Variants in PTPRG observed in about 807,000 individuals in gnomAD.
PTPRG encodes protein tyrosine phosphatase receptor type G.
In PTPRG, 102 loss-of-function variants were observed where a neutral mutation model predicts 165.3. That is an observed-to-expected ratio of 0.62 (90% CI 0.53 to 0.73). PTPRG has a LOEUF of 0.73. Among genes scored for constraint, PTPRG ranks in the 30% least tolerant of loss-of-function variants. PTPRG has a pLI of 0.00. For synonymous variants in PTPRG, 675 were observed against 669.5 expected, an observed-to-expected ratio of 1.01 and a Z score of -0.13; for missense variants, 1,866 against 1,861.4, an observed-to-expected ratio of 1.00 and a Z score of -0.05.
intron 2 of PTPRG, chr3:61,751,057 G>C (rs753760157): frequency 1.3e-5 from 2 of 151,964 alleles, no homozygotes; most frequent in Non-Finnish European, 2.9e-5. Context: ...GAATGGGACA[G>C]ATATCAACTG....
At chr3:61,801,644 G>A (rs946592882) in intron 2 of PTPRG, among the ~76,000 whole-genome samples, 84 of 152,218 alleles carry the variant, frequency 5.5e-4, no homozygotes, top group Admixed American at 4.9e-3. Context: ...GTTGGGTTCC[G>A]CTTCTCAAGA....
intron 2 of PTPRG, among the ~76,000 whole-genome samples, chr3:61,806,808 G>T (rs901107121): frequency 6.6e-6 from 1 of 152,108 alleles, no homozygotes; most frequent in African/African-American, 2.4e-5. Flanking sequence ...TGATTTTGCT[G>T]TTGATGTAAT....
intron 14 of PTPRG, among the ~76,000 whole-genome samples, chr3:62,242,175 C>T (rs1701173377): frequency 6.6e-6 from 1 of 152,172 alleles, no homozygotes; most frequent in South Asian, 2.1e-4. Context: ...AGCACCAGAG[C>T]CCTATAATAT....
At chr3:61,587,666 AT>A (rs540360383) in intron 1 of PTPRG, among the ~76,000 whole-genome samples, 1 of 151,770 alleles carries the variant, frequency 6.6e-6, no homozygotes, top group Non-Finnish European at 1.5e-5. Flanking sequence ...TTATTTTATT[AT>A]TTTTTTTAAG....
Position 61,595,181 on chromosome 3 carries a change from G to GT in PTPRG, c.85+32812dup, listed in dbSNP as rs1357469100. Reference sequence around the variant, plus strand: ...CCCTGGACGAAACCGAACAAGATGTGTTTGTTTTTTTTTTTTTCCTTTGTA... The same window carrying GT: ...CCCTGGACGAAACCGAACAAGATGTGTTTTGTTTTTTTTTTTTTCCTTTGTA... On this transcript the variant is annotated intron_variant, in intron 1 of 29. Transcript: ENST00000474889. Among the ~76,000 whole-genome samples, 59 of 146,506 alleles carry GT rather than the reference G, an allele frequency of 4.0e-4. 1 individual carries two copies. Among genetic ancestry groups the GT allele is most frequent in the African/African-American group, 7.3e-4 (28 of 38,488 alleles).
intron 1 of PTPRG, among the ~76,000 whole-genome samples, chr3:61,591,200 T>C (rs765481634): frequency 2.7e-4 from 41 of 152,220 alleles, no homozygotes; most frequent in Non-Finnish European, 3.1e-4. Context: ...CCAGTATTTG[T>C]TTAGGGTCAA....
intron 1 of PTPRG, among the ~76,000 whole-genome samples, chr3:61,746,195 A>G: frequency 7.2e-6 from 1 of 138,130 alleles, no homozygotes. Flanking sequence ...GGCGTGTGCC[A>G]CCACACACTC....
chr3:61,932,699 A>G (rs2039390749), intron 2 of PTPRG, among the ~76,000 whole-genome samples: 2 of 152,210 alleles, frequency 1.3e-5, no homozygotes, highest in Non-Finnish European at 2.9e-5. Context: ...GTAAGGGCAA[A>G]AGGTGGGTTT....
intron 4 of PTPRG, among the ~76,000 whole-genome samples, chr3:62,059,004 G>A (rs1442197694): frequency 1.3e-5 from 2 of 152,170 alleles, no homozygotes; most frequent in African/African-American, 4.8e-5. Context: ...TGATCATCCA[G>A]TGTCTGGCCT....
Position 62,267,481 on chromosome 3 carries a change from A to G in PTPRG, c.2728A>G (p.Asn910Asp), listed in dbSNP as rs1325038488. The part of the protein sequence containing the change: ...DSKHSDYINA[N>D]YVDGYNKAKA... Reference sequence around the variant, plus strand: ...TAAGCACAGCGACTACATTAATGCAAACTATGTTGATGTAAGTCAGAACTG... The same window carrying G: ...TAAGCACAGCGACTACATTAATGCAGACTATGTTGATGTAAGTCAGAACTG... The change falls in exon 18 of 30, where the codon AAC (asparagine) becomes GAC (aspartate). Residue 910 changes from asparagine to aspartate, a missense_variant. Coordinates refer to ENST00000474889, the MANE Select transcript of PTPRG (RefSeq NM_002841.4). 6.2e-7 allele frequency: 1 copy of G among 1,609,602 alleles called. No individual in the cohort carries two copies. Among genetic ancestry groups the G allele is most frequent in the Non-Finnish European group, 8.5e-7 (1 of 1,176,582 alleles).
At chr3:62,105,003 A>C (rs2106838278) in intron 5 of PTPRG, among the ~76,000 whole-genome samples, 1 of 152,296 alleles carries the variant, frequency 6.6e-6, no homozygotes, top group South Asian at 2.1e-4. Flanking sequence ...ATTTCTTTGC[A>C]GTTTATTATA....
chr3:62,044,095 T>G (rs948536169), intron 4 of PTPRG, among the ~76,000 whole-genome samples: 1 of 152,258 alleles, frequency 6.6e-6, no homozygotes, highest in South Asian at 2.1e-4. Context: ...ACCTTTCCTG[T>G]ATACTGCCAC....
intron 2 of PTPRG, among the ~76,000 whole-genome samples, chr3:61,844,806 A>G (rs115298060): frequency 1.7e-3 from 261 of 152,200 alleles, no homozygotes; most frequent in African/African-American, 5.9e-3. Flanking sequence ...CCTGGCCAGC[A>G]TCTGTATATT....
At chr3:61,684,121 T>C (rs1703543379) in intron 1 of PTPRG, among the ~76,000 whole-genome samples, 1 of 152,252 alleles carries the variant, frequency 6.6e-6, no homozygotes, top group African/African-American at 2.4e-5. Flanking sequence ...TCGTATAGGC[T>C]ATCAGAGATG....
At chr3:61,745,585 C>T (rs116490612) in intron 1 of PTPRG, among the ~76,000 whole-genome samples, 8 of 152,310 alleles carry the variant, frequency 5.3e-5, no homozygotes, top group Non-Finnish European at 8.8e-5. Flanking sequence ...ATTAACCTAC[C>T]TTCTTGGGAT....
At chr3:61,842,540 CA>C (rs1413728533) in intron 2 of PTPRG, among the ~76,000 whole-genome samples, 1 of 152,054 alleles carries the variant, frequency 6.6e-6, no homozygotes, top group African/African-American at 2.4e-5. Context: ...TAAATCAACC[CA>C]ACTTACATTT....
In PTPRG at chr3:62,235,363, T is replaced by C. The variant is rs189987225; in HGVS notation, c.2375+4052T>C. ...AAGCCCCTGACTTCAAGCCTTCTTTTCTAAGTAATAGCTGGAAGTCTTGGG... is the reference window on the plus strand; with the variant it reads ...AAGCCCCTGACTTCAAGCCTTCTTTCCTAAGTAATAGCTGGAAGTCTTGGG... On this transcript the variant is annotated intron_variant, in intron 14 of 29. Coordinates refer to ENST00000474889, the MANE Select transcript of PTPRG (RefSeq NM_002841.4). 2.6e-5 allele frequency among the ~76,000 whole-genome samples: 4 copies of C among 152,288 alleles called. No individual in the cohort carries two copies. In the East Asian group the frequency reaches 7.7e-4, roughly 29 times the overall value.
intron 2 of PTPRG, among the ~76,000 whole-genome samples, chr3:61,861,810 C>T (rs995362373): frequency 9.9e-5 from 15 of 152,094 alleles, no homozygotes; most frequent in African/African-American, 4.8e-5. Context: ...TGCCGATGCC[C>T]GTGGGTTTGA....
Position 62,078,156 on chromosome 3 carries a change from C to T in PTPRG, c.520-7C>T. 6.4e-7 allele frequency: 1 copy of T among 1,566,446 alleles called. No individual in the cohort carries two copies. Among genetic ancestry groups the T allele is most frequent in the Non-Finnish European group, 8.7e-7 (1 of 1,146,858 alleles). The stretch of plus-strand genomic sequence containing the variant: ...TTCCTAATACATTTTTTTAATTGTT[C>T]TTACAGATGCAGATTTTCTTTTACA... On this transcript the variant is annotated splice_region_variant and splice_polypyrimidine_tract_variant and intron_variant, in intron 4 of 29. Coordinates refer to ENST00000474889, the MANE Select transcript of PTPRG (RefSeq NM_002841.4).
Sources: allele counts gnomAD v4.1 joint callset (sites outside exome capture counted in the v4.1 genomes callset), GRCh38; gene constraint gnomAD v4.1.1; transcripts MANE v1.5; gene names NCBI Gene and HGNC (gene_info 2026-07-23, HGNC 2026-07-21).